Variants in RANBP17 observed in about 807,000 individuals in gnomAD.
RANBP17 encodes RAN binding protein 17.
RANBP17 carries 158 observed loss-of-function variants against 141.2 expected under a neutral mutation model. The observed-to-expected ratio is 1.12, with a 90% CI of 0.98 to 1.28. RANBP17 has a LOEUF of 1.28. Ranked by LOEUF, RANBP17 falls within the 50% of genes most tolerant of loss-of-function variation. The pLI, the probability that RANBP17 is intolerant of heterozygous loss-of-function variation, is 0.00. For synonymous variants in RANBP17, 430 were observed against 450.0 expected (o/e 0.96, Z 0.56); for missense variants, 1,438 against 1,290.7 (o/e 1.11, Z -1.75).
At position 170,955,650 on chromosome 5, in the gene RANBP17, A is replaced by ATG. The variant is rs1561928082; in HGVS notation, c.1574+1949_1574+1950insGT. ...ATATATATATATATATGCTCAGTGT[A>ATG]TATATATATATATATATATATATAT... On this transcript the variant is annotated intron_variant, in intron 13 of 27. Coordinates refer to ENST00000523189, the MANE Select transcript of RANBP17 (RefSeq NM_022897.5). 2.0e-3 allele frequency among the ~76,000 whole-genome samples: 22 copies of ATG among 11,132 alleles called. 2 individuals carry two copies. The highest frequency in any genetic ancestry group is 0.011 in the South Asian group (1 of 90). 7.3% of individuals were successfully genotyped at this position (11,132 alleles called of 152,430 possible). A position where few individuals can be genotyped will look rare whatever the true frequency, so the allele number is the denominator to read the frequency against.
intron 1 of RANBP17, among the ~76,000 whole-genome samples, chr5:170,862,756 A>G (rs1298979947): frequency 1.3e-5 from 2 of 152,218 alleles, no homozygotes; most frequent in Admixed American, 6.5e-5. Context: ...ATCCCCGTTC[A>G]GTTATTCAGC....
intron 7 of RANBP17, chr5:170,911,425 T>C: frequency 1.7e-6 from 1 of 595,646 alleles, no homozygotes; most frequent in South Asian, 1.9e-5. Context: ...ACTTTCAGAC[T>C]TTCAGATAAA....
intron 3 of RANBP17, among the ~76,000 whole-genome samples, chr5:170,887,839 CAA>C (rs1769285160): frequency 6.6e-6 from 1 of 151,396 alleles, no homozygotes. Flanking sequence ...AAAGAGAAGG[CAA>C]AAGAGAGTGA....
intron 24 of RANBP17, 92 bp downstream of exon 24, chr5:171,242,912 G>A (rs779389965): frequency 5.0e-6 from 6 of 1,194,810 alleles, no homozygotes; most frequent in South Asian, 4.1e-5. Context: ...CCTACAAAGG[G>A]GGAAAAGATA....
intron 14 of RANBP17, among the ~76,000 whole-genome samples, chr5:171,074,269 C>T (rs1784789016): frequency 6.6e-6 from 1 of 151,934 alleles, no homozygotes; most frequent in Non-Finnish European, 1.5e-5. Context: ...GGAAATTTTA[C>T]AAAATATGAA....
At chr5:171,213,935 G>A (rs533946865) in intron 21 of RANBP17, among the ~76,000 whole-genome samples, 197 bp downstream of exon 21, 17 of 152,260 alleles carry the variant, frequency 1.1e-4, no homozygotes, top group African/African-American at 3.8e-4. Context: ...CAGTATACTT[G>A]GCTGTCTATG....
At chr5:170,947,706 T>TA (rs938025008) in intron 12 of RANBP17, among the ~76,000 whole-genome samples, 1 of 152,144 alleles carries the variant, frequency 6.6e-6, no homozygotes, top group Non-Finnish European at 1.5e-5. Context: ...CTGGAATGCT[T>TA]AGAGTGTATA....
intron 25 of RANBP17, among the ~76,000 whole-genome samples, chr5:171,274,768 C>T (rs1192915490): frequency 1.3e-5 from 2 of 152,052 alleles, no homozygotes; most frequent in African/African-American, 4.8e-5. Flanking sequence ...GATCTGCAGG[C>T]AATGATTTTA....
At chr5:170,921,018 G>T (rs1581149403) in intron 11 of RANBP17, among the ~76,000 whole-genome samples, 1 of 152,186 alleles carries the variant, frequency 6.6e-6, no homozygotes, top group Admixed American at 6.5e-5. Flanking sequence ...AGATTGCAAA[G>T]ATTTTCTCCC....
At chr5:171,228,884 T>C (rs943255047) in intron 22 of RANBP17, among the ~76,000 whole-genome samples, 2 of 152,170 alleles carry the variant, frequency 1.3e-5, no homozygotes, top group East Asian at 1.9e-4. Flanking sequence ...TGTTGCACAC[T>C]TAACAGACTA....
At chr5:170,889,624 C>T (rs547774998) in intron 3 of RANBP17, among the ~76,000 whole-genome samples, 11 of 152,260 alleles carry the variant, frequency 7.2e-5, no homozygotes, top group Admixed American at 3.3e-4. Context: ...ATGGGAAGCA[C>T]TTCACAATTT....
chr5:171,217,497 C>T (rs1763287815), intron 21 of RANBP17, among the ~76,000 whole-genome samples: 1 of 152,158 alleles, frequency 6.6e-6, no homozygotes, highest in Non-Finnish European at 1.5e-5. Context: ...ACCAGCTCCT[C>T]TTTGTACCTC....
intron 14 of RANBP17, among the ~76,000 whole-genome samples, chr5:171,092,632 A>G (rs1786385353): frequency 6.6e-6 from 1 of 152,202 alleles, no homozygotes; most frequent in African/African-American, 2.4e-5. Flanking sequence ...ATCTGGAGAA[A>G]TTATCAACCA....
intron 12 of RANBP17, among the ~76,000 whole-genome samples, chr5:170,946,225 G>A (rs1444675965): frequency 6.6e-6 from 1 of 152,052 alleles, no homozygotes. Flanking sequence ...AGTAATAAAG[G>A]CTTGTTTTAA....
At chr5:171,128,473 A>C (rs866908884) in intron 14 of RANBP17, among the ~76,000 whole-genome samples, 47 of 152,296 alleles carry the variant, frequency 3.1e-4, no homozygotes, top group African/African-American at 1.1e-3. Flanking sequence ...GATCTCATGG[A>C]GATCTAAAGT....
intron 14 of RANBP17, among the ~76,000 whole-genome samples, chr5:170,977,721 T>C (rs1777481472): frequency 6.6e-6 from 1 of 152,088 alleles, no homozygotes; most frequent in Admixed American, 6.5e-5. Context: ...AACATTACGC[T>C]AAGTCAAATA....
intron 14 of RANBP17, among the ~76,000 whole-genome samples, chr5:171,060,907 G>C (rs988547493): frequency 2.6e-5 from 4 of 151,636 alleles, no homozygotes; most frequent in African/African-American, 4.8e-5. Context: ...TGTATGTGTC[G>C]AGGAATTTAT....
intron 12 of RANBP17, among the ~76,000 whole-genome samples, chr5:170,938,492 C>T (rs191348964): frequency 4.9e-4 from 74 of 152,170 alleles, no homozygotes; most frequent in African/African-American, 1.8e-3. Flanking sequence ...ATTTAGAACC[C>T]CTATCTCCTA....
chr5:171,188,350 G>T lies in RANBP17; in HGVS notation c.2038+4920G>T, dbSNP rs527809692. Among the ~76,000 whole-genome samples, 3 of 152,328 alleles carry T rather than the reference G, an allele frequency of 2.0e-5. No individual in the cohort carries two copies. In the South Asian group the frequency reaches 6.2e-4, roughly 32 times the overall value. On this transcript the variant is annotated intron_variant, in intron 18 of 27. Coordinates refer to ENST00000523189, the MANE Select transcript of RANBP17 (RefSeq NM_022897.5). The stretch of plus-strand genomic sequence containing the variant: ...TGGCCTATTTTACCTCTTGGCTGCT[G>T]TGTTGGTGAGAAGAGGCGCAGCCCC...
Sources: gnomAD v4.1 joint callset for allele counts (sites outside exome capture counted in the v4.1 genomes callset) on GRCh38, gnomAD v4.1.1 for gene constraint, MANE v1.5 for transcripts, NCBI Gene and HGNC (gene_info 2026-07-23, HGNC 2026-07-21) for gene names.